GGA2: variants seen among roughly 807,000 people sequenced by gnomAD.
GGA2 encodes golgi associated, gamma adaptin ear containing, ARF binding protein 2.
GGA2 carries 48 observed loss-of-function variants against 79.5 expected under a neutral mutation model. The ratio of observed to expected loss-of-function variants is 0.60; its 90% confidence interval spans 0.48 to 0.77. The LOEUF (loss-of-function observed/expected upper bound fraction) is 0.77. Among genes scored for constraint, GGA2 ranks in the 30% least tolerant of loss-of-function variants. The pLI is 0.00. For synonymous variants in GGA2, 317 were observed against 302.0 expected (o/e 1.05, Z -0.51); for missense variants, 770 against 774.0 (o/e 0.99, Z 0.06).
intron 4 of GGA2, among the ~76,000 whole-genome samples, chr16:23,493,039 G>GGAAACTTT (rs1267706428): frequency 1.3e-5 from 2 of 152,200 alleles, no homozygotes; most frequent in Non-Finnish European, 2.9e-5. Flanking sequence ...GGAGGTGATA[G>GGAAACTTT]GAAACTTTCA....
chr16:23,510,720 T>C (rs541907552), upstream of GGA2, among the ~76,000 whole-genome samples: 5 of 152,376 alleles, frequency 3.3e-5, 1 homozygote, highest in South Asian at 8.3e-4. Flanking sequence ...ATTTTTATTT[T>C]TTAAGAGACG....
At position 23,476,232 on chromosome 16, in the gene GGA2, C is replaced by T. The variant is rs371026520; in HGVS notation, c.1293-1171G>A. Among the ~76,000 whole-genome samples, 7 of 152,178 alleles carry T rather than the reference C, an allele frequency of 4.6e-5. No homozygotes were observed. The East Asian group carries it at 1.3e-3, about 29-fold the overall frequency. The stretch of plus-strand genomic sequence containing the variant: ...GAAATAACCCACCCTGCCCGAGTGG[C>T]TGAAAAAAAGAAGACTGCAAGAAAT... On this transcript the variant is annotated intron_variant, in intron 13 of 16. Coordinates refer to ENST00000309859, the MANE Select transcript of GGA2 (RefSeq NM_015044.4).
chr16:23,470,682 G>A (rs1333162192), intron 14 of GGA2, among the ~76,000 whole-genome samples: 3 of 151,970 alleles, frequency 2.0e-5, no homozygotes, highest in African/African-American at 7.3e-5. Flanking sequence ...AAAATCACTT[G>A]AACTCGGGAG....
chr16:23,494,137 G>A, intron 3 of GGA2, 166 bp downstream of exon 3: 2 of 620,294 alleles, frequency 3.2e-6, no homozygotes, highest in East Asian at 2.7e-5. Flanking sequence ...AGGAAGAAGG[G>A]TGGGGACCCT....
At chr16:23,499,877 C>A (rs1201483269) in intron 1 of GGA2, among the ~76,000 whole-genome samples, 4 of 152,210 alleles carry the variant, frequency 2.6e-5, no homozygotes, top group Admixed American at 2.6e-4. Flanking sequence ...GGTGGGGCCG[C>A]TGGCAGGGCG....
Position 23,474,928 on chromosome 16 carries a change from C to T in GGA2, c.1426G>A (p.Val476Ile). 1 of 1,612,950 alleles carries T rather than the reference C, an allele frequency of 6.2e-7. No homozygotes were observed. Among genetic ancestry groups the T allele is most frequent in the Non-Finnish European group, 8.5e-7 (1 of 1,179,208 alleles). Reference sequence around the variant, plus strand: ...CTGGGCTTAACAGACTCCAAAGGGACAAACACTTGAGCCAGAGGTGTATTC... The same window carrying T: ...CTGGGCTTAACAGACTCCAAAGGGATAAACACTTGAGCCAGAGGTGTATTC... Reference protein sequence around the residue: ...SQNTPLAQVFVPLESVKPSSL... With the variant: ...SQNTPLAQVFIPLESVKPSSL... Residue 476 changes from valine to isoleucine, a missense_variant, in exon 14 of 17, where the codon GTC becomes ATC. Physicochemically the swap from Val to Ile is conservative, Grantham distance 29. Coordinates refer to ENST00000309859, the MANE Select transcript of GGA2 (RefSeq NM_015044.4).
chr16:23,481,781 A>T lies in GGA2; in HGVS notation c.881-1011T>A, dbSNP rs576455427. On this transcript the variant is annotated intron_variant, in intron 9 of 16. Coordinates refer to ENST00000309859, the MANE Select transcript of GGA2 (RefSeq NM_015044.4). The stretch of plus-strand genomic sequence containing the variant: ...AGCAACAGAGTGAGACTGTCTCAAA[A>T]AAAAGGAAAAAGGATTGCAGAGGGC... Among the ~76,000 whole-genome samples, 5 of 152,364 alleles carry T rather than the reference A, an allele frequency of 3.3e-5. No homozygotes were observed. In the East Asian group the frequency reaches 9.7e-4, roughly 29 times the overall value.
chr16:23,501,281 A>C, intron 1 of GGA2: 2 of 456,510 alleles, frequency 4.4e-6, no homozygotes, highest in South Asian at 3.1e-5. Flanking sequence ...GTGTCCTACT[A>C]ATTGGAAAAA....
chr16:23,467,705 G>A lies in GGA2; in HGVS notation c.1732-5C>T. ...GTACCGTAAGCGGATAGGTTCCTGG[G>A]ACAGAAGAGACAGAAGATGTCAAAT... is the stretch of plus-strand genomic sequence containing the variant. On this transcript the variant is annotated splice_region_variant and splice_polypyrimidine_tract_variant and intron_variant, in intron 16 of 16. Coordinates refer to ENST00000309859, the MANE Select transcript of GGA2 (RefSeq NM_015044.4). 1 of 1,344,154 alleles carries A rather than the reference G, an allele frequency of 7.4e-7. No individual in the cohort carries two copies. Among genetic ancestry groups the A allele is most frequent in the South Asian group, 1.2e-5 (1 of 85,340 alleles). 83.3% of individuals were successfully genotyped at this position (1,344,154 alleles called of 1,614,324 possible).
rs1172556570 is a variant in GGA2, at chr16:23,510,361, C to G, written c.51G>C (p.Gln17His). The G allele has an allele frequency of 7.0e-7, 1 of 1,430,130 alleles. No individual in the cohort carries two copies. Among genetic ancestry groups the G allele is most frequent in the Non-Finnish European group, 9.2e-7 (1 of 1,091,562 alleles). The allele number at this position is 1,430,130 out of a possible 1,614,324, so 88.6% of individuals were successfully genotyped here. A position where few individuals can be genotyped will look rare whatever the true frequency, so the allele number is the denominator to read the frequency against. The change falls in exon 1 of 17, where the codon CAG (glutamine) becomes CAC (histidine). Residue 17 changes from glutamine (Q) to histidine (H), a missense_variant. Gln to His is a conservative substitution (Grantham distance 24). Transcript: ENST00000309859. ...GCGACGCTGCCGGGCCCGGGGGACC[C>G]TGGGCCGACTCGGTTCCCGCCACAG... ...AAAVAGTESA[Q>H]GPPGPAASLE... is the part of the protein sequence containing the mutation.
intron 2 of GGA2, 32 bp from the exon 3 acceptor site, chr16:23,494,410 GC>G: frequency 6.8e-7 from 1 of 1,476,870 alleles, no homozygotes; most frequent in Non-Finnish European, 9.5e-7. Flanking sequence ...TAGACTCTGG[GC>G]GGGCAAAAAG....
chr16:23,505,878 G>A (rs1964969020), intron 1 of GGA2, among the ~76,000 whole-genome samples: 1 of 152,190 alleles, frequency 6.6e-6, no homozygotes, highest in Admixed American at 6.5e-5. Flanking sequence ...GAAGTGAACC[G>A]TGGAGCTCCT....
chr16:23,484,049 G>C (rs1964682323), intron 8 of GGA2, among the ~76,000 whole-genome samples: 2 of 150,718 alleles, frequency 1.3e-5, no homozygotes, highest in South Asian at 4.2e-4. Context: ...AGCACTTCAG[G>C]AGGCCAAGGC....
In GGA2 at chr16:23,470,132, T is replaced by C; in HGVS notation, c.1484A>G (p.Asn495Ser). 1 of 1,608,784 alleles carries C rather than the reference T, an allele frequency of 6.2e-7. No individual in the cohort carries two copies. Among genetic ancestry groups the C allele is most frequent in the Non-Finnish European group, 8.5e-7 (1 of 1,177,868 alleles). The part of the protein sequence containing the change: ...SLPPLIVYDR[N>S]GFRILLHFSQ... ...GAAGTGGAGCAGAATTCTGAATCCATTCCGGTCATACACAATGAGAGGCGG... is the reference window on the plus strand; with the variant it reads ...GAAGTGGAGCAGAATTCTGAATCCACTCCGGTCATACACAATGAGAGGCGG... The change falls in exon 15 of 17, where the codon AAT becomes AGT. Residue 495 changes from asparagine (N) to serine (S), a missense_variant. Asn to Ser is a conservative substitution (Grantham distance 46, BLOSUM62 1). Coordinates refer to ENST00000309859, the MANE Select transcript of GGA2 (RefSeq NM_015044.4).
At chr16:23,473,658 G>C (rs1047005457) in intron 14 of GGA2, among the ~76,000 whole-genome samples, 1 of 151,876 alleles carries the variant, frequency 6.6e-6, no homozygotes, top group Non-Finnish European at 1.5e-5. Context: ...TCTACATTTT[G>C]AACATGTATT....
chr16:23,494,442 G>A, intron 2 of GGA2, 64 bp from the exon 3 acceptor site: 4 of 1,021,022 alleles, frequency 3.9e-6, no homozygotes, highest in Non-Finnish European at 3.1e-6. Flanking sequence ...GAGTGGCTGA[G>A]CATGCTCAGT....
upstream of GGA2, chr16:23,524,248 T>C (rs1965186587): frequency 1.2e-6 from 1 of 803,958 alleles, no homozygotes; most frequent in Non-Finnish European, 2.1e-6. Flanking sequence ...TCAGAGATTG[T>C]TTCCACTCTT....
chr16:23,490,231 C>G (rs767270155), intron 5 of GGA2, among the ~76,000 whole-genome samples: 8 of 152,308 alleles, frequency 5.3e-5, no homozygotes, highest in Non-Finnish European at 1.0e-4. Flanking sequence ...AATCTGAAGT[C>G]TGATATAGTA....
chr16:23,465,361 G>A lies in GGA2; in HGVS notation c.*2229C>T, dbSNP rs745622209. The A allele has an allele frequency of 1.3e-5, 9 of 702,818 alleles. No homozygotes were observed. The highest frequency in any genetic ancestry group is 5.2e-6 in the Non-Finnish European group (2 of 384,844). 43.5% of individuals were successfully genotyped at this position (702,818 alleles called of 1,614,324 possible). ...CACTGGACTTGCTGATTAGAAGGGA[G>A]TGATGCCATAAACCACAGCCACTTT... On this transcript the variant is annotated 3_prime_UTR_variant, in exon 17 of 17. Transcript: ENST00000309859.
Sources: allele counts gnomAD v4.1 joint callset (sites outside exome capture counted in the v4.1 genomes callset), GRCh38; gene constraint gnomAD v4.1.1; transcripts MANE v1.5; gene names NCBI Gene and HGNC (gene_info 2026-07-23, HGNC 2026-07-21).